The following SLF1 variants were observed in gnomAD, a reference collection of about 807,000 sequenced individuals.
SLF1 encodes the protein SMC5-SMC6 complex localization factor protein 1.
Under a neutral mutation model 123.0 loss-of-function variants are expected in SLF1, and 105 were observed. That is an observed-to-expected ratio of 0.85 (90% CI 0.73 to 1.00). The LOEUF (loss-of-function observed/expected upper bound fraction) is 1.00. Among genes scored for constraint, SLF1 ranks in the 50% least tolerant of loss-of-function variants. The pLI, the probability that SLF1 is intolerant of heterozygous loss-of-function variation, is 0.00. For missense variants in SLF1, 1,239 were observed against 1,223.0 expected (o/e 1.01, Z -0.20); for synonymous variants, 434 against 406.6 (o/e 1.07, Z -0.81).
chr5:94,657,214 C>G (rs982110178), intron 9 of SLF1, among the ~76,000 whole-genome samples: 1 of 151,648 alleles, frequency 6.6e-6, no homozygotes, highest in Non-Finnish European at 1.5e-5. Context: ...ACTGCTTTTG[C>G]TGTATTCTAT....
At chr5:94,642,892 A>G (rs1260040935) in intron 4 of SLF1, among the ~76,000 whole-genome samples, 1 of 152,192 alleles carries the variant, frequency 6.6e-6, no homozygotes, top group Admixed American at 6.5e-5. Flanking sequence ...AACTGGTTCC[A>G]TATTTTATGG....
chr5:94,628,729 C>T (rs1455672492), intron 1 of SLF1, 82 bp from the exon 2 acceptor site: 3 of 818,770 alleles, frequency 3.7e-6, no homozygotes, highest in Non-Finnish European at 5.4e-6. Context: ...ATTTTTAGTA[C>T]TCATAGTTAA....
chr5:94,634,295 G>A (rs1745513276), intron 4 of SLF1, among the ~76,000 whole-genome samples: 1 of 151,780 alleles, frequency 6.6e-6, no homozygotes, highest in Admixed American at 6.6e-5. Context: ...TGTGTCCTTT[G>A]ATCAACATTT....
intron 13 of SLF1, 138 bp from the exon 14 acceptor site, chr5:94,670,705 T>C: frequency 1.6e-6 from 1 of 644,842 alleles, no homozygotes; most frequent in Non-Finnish European, 2.6e-6. Context: ...TTTTGTCCTT[T>C]ATTATAATTG....
intron 5 of SLF1, among the ~76,000 whole-genome samples, chr5:94,644,312 T>C (rs907439191): frequency 2.0e-5 from 3 of 152,278 alleles, no homozygotes; most frequent in African/African-American, 7.2e-5. Flanking sequence ...TAGTATATTC[T>C]AGCTCATTCA....
intron 5 of SLF1, among the ~76,000 whole-genome samples, chr5:94,648,427 C>G (rs770651508): frequency 2.0e-4 from 31 of 152,046 alleles, no homozygotes; most frequent in Non-Finnish European, 4.0e-4. Flanking sequence ...TATAATTGTT[C>G]CCTAGGAAGA....
intron 4 of SLF1, among the ~76,000 whole-genome samples, chr5:94,633,558 G>A (rs1175243188): frequency 1.3e-5 from 2 of 152,130 alleles, no homozygotes; most frequent in Admixed American, 6.5e-5. Flanking sequence ...TTTACTGGAT[G>A]TACTAGCCAT....
At chr5:94,628,530 A>C (rs954444266) in intron 1 of SLF1, among the ~76,000 whole-genome samples, 1 of 152,224 alleles carries the variant, frequency 6.6e-6, no homozygotes, top group South Asian at 2.1e-4. Context: ...TTTATTCATC[A>C]ATGTGTTTTA....
chr5:94,686,631 A>G lies in SLF1; in HGVS notation c.2034A>G (p.Gln678=). The part of the protein sequence containing the change: ...FICSFSSSWL[Q]MFVAEAVFKK... Reference sequence around the variant, plus strand: ...GCTCCTTTTCCTCCTCCTGGCTTCAAATGTTTGTTGCAGAGGCAGTCTTTA... The same window carrying G: ...GCTCCTTTTCCTCCTCCTGGCTTCAGATGTTTGTTGCAGAGGCAGTCTTTA... The change falls in exon 16 of 21, where the codon CAA becomes CAG. Residue 678 remains glutamine, a synonymous_variant. Coordinates refer to ENST00000265140, the MANE Select transcript of SLF1 (RefSeq NM_032290.4). 1.2e-6 allele frequency: 2 copies of G among 1,614,078 alleles called. No individual in the cohort carries two copies. The highest frequency in any genetic ancestry group is 1.7e-6 in the Non-Finnish European group (2 of 1,179,954).
intron 12 of SLF1, among the ~76,000 whole-genome samples, chr5:94,666,463 T>G (rs1423921401): frequency 2.6e-5 from 4 of 152,250 alleles, no homozygotes; most frequent in Non-Finnish European, 5.9e-5. Context: ...TAATATTTCC[T>G]AAATATGTCA....
chr5:94,635,919 A>T (rs2152469784), intron 4 of SLF1, among the ~76,000 whole-genome samples: 1 of 152,270 alleles, frequency 6.6e-6, no homozygotes, highest in Non-Finnish European at 1.5e-5. Flanking sequence ...GTTTTATGTT[A>T]TTAGTGGCCT....
intron 7 of SLF1, among the ~76,000 whole-genome samples, 169 bp downstream of exon 7, chr5:94,652,014 C>T (rs201830982): frequency 1.5e-5 from 2 of 130,888 alleles, no homozygotes; most frequent in East Asian, 2.6e-4. Context: ...TTTCTTTTTT[C>T]TTTTTTTTTT....
At chr5:94,645,817 TCA>T (rs1446663740) in intron 5 of SLF1, among the ~76,000 whole-genome samples, 4 of 152,200 alleles carry the variant, frequency 2.6e-5, no homozygotes. Context: ...CATATTGTGA[TCA>T]CTTCTGATCA....
At chr5:94,661,524 G>A (rs1749100520) in intron 9 of SLF1, among the ~76,000 whole-genome samples, 1 of 150,992 alleles carries the variant, frequency 6.6e-6, no homozygotes, top group African/African-American at 2.4e-5. Context: ...TTCTTCCAGG[G>A]TTTTTTGTTT....
chr5:94,671,085 A>T, intron 14 of SLF1, 77 bp downstream of exon 14: 1 of 1,044,750 alleles, frequency 9.6e-7, no homozygotes, highest in Non-Finnish European at 1.4e-6. Context: ...TCTCCTCTTT[A>T]TTCTTTGGAT....
chr5:94,678,748 T>C (rs1415967476), intron 14 of SLF1, 60 bp from the exon 15 acceptor site: 20 of 1,437,390 alleles, frequency 1.4e-5, no homozygotes, highest in Non-Finnish European at 1.6e-5. Flanking sequence ...TCAAAATAAA[T>C]ACTAACAGAA....
chr5:94,632,061 A>T (rs942111314), intron 4 of SLF1, among the ~76,000 whole-genome samples: 19 of 150,842 alleles, frequency 1.3e-4, no homozygotes, highest in Non-Finnish European at 2.5e-4. Flanking sequence ...GTGGGAAGAT[A>T]GCCTAGAGCC....
intron 7 of SLF1, among the ~76,000 whole-genome samples, chr5:94,652,262 G>A (rs527597009): frequency 7.9e-5 from 12 of 152,170 alleles, no homozygotes; most frequent in African/African-American, 2.2e-4. Flanking sequence ...GCCCACCTCC[G>A]CCTCCCAAAG....
At chr5:94,652,269 A>G (rs1287053153) in intron 7 of SLF1, among the ~76,000 whole-genome samples, 1 of 152,092 alleles carries the variant, frequency 6.6e-6, no homozygotes, top group Non-Finnish European at 1.5e-5. Flanking sequence ...TCCGCCTCCC[A>G]AAGTACTTGG....
Sources: gnomAD v4.1 joint callset for allele counts (sites outside exome capture counted in the v4.1 genomes callset) on GRCh38, gnomAD v4.1.1 for gene constraint, MANE v1.5 for transcripts, NCBI Gene and HGNC (gene_info 2026-07-23, HGNC 2026-07-21) for gene names.